The following FRMD3 variants were observed in gnomAD, a reference collection of about 807,000 sequenced individuals.
The protein encoded by FRMD3 is FERM domain-containing protein 3.
Under a neutral mutation model 70.2 loss-of-function variants are expected in FRMD3, and 33 were observed. That is an observed-to-expected ratio of 0.47 (90% CI 0.36 to 0.63). The LOEUF (loss-of-function observed/expected upper bound fraction) is 0.63. FRMD3 is among the 20% of genes least tolerant of loss of function. The probability of loss-of-function intolerance (pLI) is 0.00; values close to 1 mark genes in which losing one functional copy is unlikely to be tolerated. For missense variants in FRMD3, 632 were observed against 711.4 expected, an observed-to-expected ratio of 0.89 and a Z score of 1.27; for synonymous variants, 279 against 255.9, an observed-to-expected ratio of 1.09 and a Z score of -0.86.
intron 4 of FRMD3, among the ~76,000 whole-genome samples, chr9:83,348,502 A>C (rs540370635): frequency 6.6e-6 from 1 of 152,206 alleles, no homozygotes; most frequent in Non-Finnish European, 1.5e-5. Flanking sequence ...TATGGGGTAC[A>C]TGGTTTCTTT....
rs1488253896 is a variant in FRMD3, at chr9:83,247,631, T to G, written c.*287A>C. On this transcript the variant is annotated 3_prime_UTR_variant, in exon 14 of 14. Coordinates refer to ENST00000304195, the MANE Select transcript of FRMD3 (RefSeq NM_174938.6). ...AAATCTAATTCAGTCCAATGTAACA[T>G]GTATTATGATATAATAGATGAAGGG... The G allele has an allele frequency of 1.8e-6, 2 of 1,081,670 alleles. No individual in the cohort carries two copies. The highest frequency in any genetic ancestry group is 3.3e-5 in the African/African-American group (2 of 60,518). 67.0% of individuals were successfully genotyped at this position (1,081,670 alleles called of 1,614,324 possible).
chr9:83,501,293 C>CAA (rs200128163), intron 1 of FRMD3, among the ~76,000 whole-genome samples: 7 of 142,978 alleles, frequency 4.9e-5, no homozygotes, highest in East Asian at 2.0e-4. Flanking sequence ...GACTCCATCT[C>CAA]AAAAAAAAAA....
chr9:83,435,397 C>T (rs1185802826), intron 1 of FRMD3, among the ~76,000 whole-genome samples: 1 of 151,934 alleles, frequency 6.6e-6, no homozygotes, highest in Non-Finnish European at 1.5e-5. Flanking sequence ...GCTCTAAAGC[C>T]ACCACAAACC....
chr9:83,271,576 G>A (rs954298110), intron 13 of FRMD3, among the ~76,000 whole-genome samples: 15 of 152,210 alleles, frequency 9.9e-5, no homozygotes, highest in African/African-American at 3.6e-4. Flanking sequence ...TGTTTGGAAA[G>A]TGAGACAACA....
At chr9:83,494,655 C>A (rs571283288) in intron 1 of FRMD3, among the ~76,000 whole-genome samples, 2 of 152,188 alleles carry the variant, frequency 1.3e-5, no homozygotes, top group South Asian at 4.1e-4. Flanking sequence ...GTAATCCCAA[C>A]ACTTTGGGAA....
chr9:83,442,591 C>T (rs1386077587), intron 1 of FRMD3, among the ~76,000 whole-genome samples: 5 of 151,862 alleles, frequency 3.3e-5, no homozygotes, highest in African/African-American at 7.3e-5. Context: ...GGAAAGCCAA[C>T]GTATAAAATT....
At chr9:83,527,979 T>C (rs1829719643) in intron 1 of FRMD3, among the ~76,000 whole-genome samples, 1 of 152,234 alleles carries the variant, frequency 6.6e-6, no homozygotes, top group Admixed American at 6.5e-5. Flanking sequence ...CAGATTCTTA[T>C]GCGATAAATT....
intron 1 of FRMD3, among the ~76,000 whole-genome samples, chr9:83,408,023 A>G (rs1397357420): frequency 2.6e-5 from 4 of 151,990 alleles, no homozygotes; most frequent in Non-Finnish European, 4.4e-5. Flanking sequence ...CTTCTCCATC[A>G]GCAGCCAGCC....
chr9:83,439,913 T>A (rs538893045), intron 1 of FRMD3, among the ~76,000 whole-genome samples: 2 of 152,326 alleles, frequency 1.3e-5, no homozygotes, highest in South Asian at 4.1e-4. Flanking sequence ...GATATAATAC[T>A]AATCTATATT....
At chr9:83,550,037 G>A in the FRMD3 span, among the ~76,000 whole-genome samples, 6 of 151,910 alleles carry the variant, frequency 3.9e-5, no homozygotes, top group South Asian at 2.1e-4. Flanking sequence ...TCCTATGTCC[G>A]GGATAGTATT....
chr9:83,543,717 C>T, the FRMD3 span, among the ~76,000 whole-genome samples: 4 of 152,174 alleles, frequency 2.6e-5, no homozygotes, highest in Non-Finnish European at 5.9e-5. Context: ...CAAGGGAACA[C>T]CTGTTAGGAC....
At chr9:83,294,381 A>G (rs1678523386) in intron 12 of FRMD3, among the ~76,000 whole-genome samples, 2 of 152,202 alleles carry the variant, frequency 1.3e-5, no homozygotes, top group South Asian at 4.1e-4. Context: ...CAACTGGACT[A>G]ATAAATCTAC....
chr9:83,377,301 G>A (rs1236990856), intron 2 of FRMD3, among the ~76,000 whole-genome samples: 2 of 152,188 alleles, frequency 1.3e-5, no homozygotes, highest in Non-Finnish European at 2.9e-5. Flanking sequence ...ACAGTAAAAT[G>A]AGACTAATGG....
chr9:83,397,107 T>C (rs1825829326), intron 1 of FRMD3, among the ~76,000 whole-genome samples: 1 of 152,186 alleles, frequency 6.6e-6, no homozygotes, highest in African/African-American at 2.4e-5. Context: ...AGCGTTTTGG[T>C]GTTTTTGAAT....
At chr9:83,541,687 G>A (rs553824547), upstream of FRMD3, among the ~76,000 whole-genome samples, 3 of 152,274 alleles carry the variant, frequency 2.0e-5, no homozygotes, top group African/African-American at 7.2e-5. Flanking sequence ...GACAAATAGT[G>A]GTGCATGACT....
In FRMD3 at chr9:83,340,670, A is replaced by T. The variant is rs116238023; in HGVS notation, c.472+2520T>A. 3.3e-3 allele frequency among the ~76,000 whole-genome samples: 505 copies of T among 152,354 alleles called. 2 individuals carry two copies. The highest frequency in any genetic ancestry group is 0.012 in the African/African-American group (489 of 41,586). ...CCCAAGGATTCTGTGTTTGTTTTGC[A>T]ATTTGTATTATGAAAGAAAATGCAT... On this transcript the variant is annotated intron_variant, in intron 5 of 13. Transcript: ENST00000304195.
At chr9:83,272,810 G>A (rs1833628225) in intron 13 of FRMD3, among the ~76,000 whole-genome samples, 1 of 151,194 alleles carries the variant, frequency 6.6e-6, no homozygotes, top group South Asian at 2.1e-4. Context: ...TGGGATGTGA[G>A]GAGCGCCTCT....
chr9:83,299,077 C>T, intron 11 of FRMD3, 35 bp downstream of exon 11: 1 of 1,463,634 alleles, frequency 6.8e-7, no homozygotes, highest in Non-Finnish European at 9.6e-7. Context: ...TGCCCATCCC[C>T]ACCCCCTCAC....
intron 3 of FRMD3, among the ~76,000 whole-genome samples, chr9:83,361,154 A>G (rs1168130680): frequency 1.3e-5 from 2 of 152,202 alleles, no homozygotes; most frequent in Non-Finnish European, 2.9e-5. Context: ...GGCATCCAAA[A>G]CTAAACCATA....
Sources: gnomAD v4.1 joint callset for allele counts (sites outside exome capture counted in the v4.1 genomes callset) on GRCh38, gnomAD v4.1.1 for gene constraint, MANE v1.5 for transcripts, NCBI Gene and HGNC (gene_info 2026-07-23, HGNC 2026-07-21) for gene names.